The following RASGRP3 variants were observed in gnomAD, a reference collection of about 807,000 sequenced individuals.
RASGRP3 encodes the protein RAS guanyl releasing protein 3, also known as ras guanyl-releasing protein 3.
RASGRP3 carries 54 observed loss-of-function variants against 82.7 expected under a neutral mutation model. The observed-to-expected ratio is 0.65, with a 90% CI of 0.52 to 0.82. RASGRP3 has a LOEUF of 0.82. RASGRP3 is among the 40% of genes least tolerant of loss of function. The pLI is 0.00. For synonymous variants in RASGRP3, 309 were observed against 300.5 expected (o/e 1.03, Z -0.29); for missense variants, 861 against 828.9 (o/e 1.04, Z -0.48).
At chr2:33,522,720 C>T (rs1198305837) in intron 7 of RASGRP3, among the ~76,000 whole-genome samples, 2 of 152,220 alleles carry the variant, frequency 1.3e-5, no homozygotes, top group African/African-American at 4.8e-5. Flanking sequence ...GGTTCACAAT[C>T]AGCCAGCCAC....
intron 1 of RASGRP3, among the ~76,000 whole-genome samples, chr2:33,438,545 G>A (rs1389659270): frequency 1.4e-5 from 2 of 143,598 alleles, no homozygotes; most frequent in Non-Finnish European, 3.0e-5. Flanking sequence ...CTGGGCAATG[G>A]AGTGAGACTC....
chr2:33,537,448 T>C (rs1472694655), intron 11 of RASGRP3, among the ~76,000 whole-genome samples: 1 of 151,128 alleles, frequency 6.6e-6, no homozygotes, highest in Non-Finnish European at 1.5e-5. Flanking sequence ...AACCTCCACC[T>C]CCCTGGCTCA....
chr2:33,475,340 C>T (rs1186387376), upstream of RASGRP3, among the ~76,000 whole-genome samples: 1 of 152,116 alleles, frequency 6.6e-6, no homozygotes, highest in Non-Finnish European at 1.5e-5. Context: ...TTCTAGAAAA[C>T]ACTGTATCCT....
intron 1 of RASGRP3, among the ~76,000 whole-genome samples, chr2:33,498,941 A>G (rs1448725495): frequency 6.6e-6 from 1 of 152,196 alleles, no homozygotes; most frequent in Non-Finnish European, 1.5e-5. Flanking sequence ...TCAACAGACA[A>G]GAAAGTGACT....
At chr2:33,500,740 C>A (rs1201764308) in intron 1 of RASGRP3, among the ~76,000 whole-genome samples, 1 of 152,096 alleles carries the variant, frequency 6.6e-6, no homozygotes, top group Non-Finnish European at 1.5e-5. Context: ...TTGAGACCAG[C>A]CTGGCCAACA....
chr2:33,455,762 G>A (rs573299942), intron 2 of RASGRP3, among the ~76,000 whole-genome samples: 92 of 152,240 alleles, frequency 6.0e-4, no homozygotes, highest in African/African-American at 1.2e-3. Context: ...GAATTGTATC[G>A]TCTGGCCTGG....
chr2:33,521,978 GA>G lies in RASGRP3; in HGVS notation c.393del (p.Val132SerfsTer76). 1 of 1,613,462 alleles carries G rather than the reference GA, an allele frequency of 6.2e-7. No homozygotes were observed. The highest frequency in any genetic ancestry group is 8.5e-7 in the Non-Finnish European group (1 of 1,179,744). On this transcript the variant is annotated frameshift_variant, in exon 7 of 18. Coordinates refer to ENST00000403687, the MANE Select transcript of RASGRP3 (RefSeq NM_001139488.2). LOFTEE classifies it high-confidence loss of function. ...AGTCCTTCCTATGACTGGATGAGAA[GA>G]GTCACACAGAGGAAAAAAGTATCCA... is the stretch of plus-strand genomic sequence containing the variant. ...SSIPSYDWMR[R>X]VTQRKKVSKK...
rs183332863 is a variant in RASGRP3 at position 33,540,337 on chromosome 2, G to A, written c.1278+1127G>A. On this transcript the variant is annotated intron_variant, in intron 12 of 17. Transcript: ENST00000403687. ...GGCTGAGAAGGAGATAAGGTCCAGTGGAGCCCGTGGTAGTAACAGACCCAG... is the reference window on the plus strand; with the variant it reads ...GGCTGAGAAGGAGATAAGGTCCAGTAGAGCCCGTGGTAGTAACAGACCCAG... Among the ~76,000 whole-genome samples the A allele has an allele frequency of 1.4e-4, 21 of 146,486 alleles. 4 individuals carry two copies. Among genetic ancestry groups the A allele is most frequent in the East Asian group, 3.9e-4 (2 of 5,170 alleles).
chr2:33,524,378 A>C (rs1672320708), intron 8 of RASGRP3, 54 bp from the exon 9 acceptor site: 1 of 1,184,276 alleles, frequency 8.4e-7, no homozygotes, highest in African/African-American at 1.6e-5. Context: ...GTAATTCAGA[A>C]AGTTTAGAAT....
Position 33,521,954 on chromosome 2 carries a change from G to C in RASGRP3, c.369-1G>C. On this transcript the variant is annotated splice_acceptor_variant, in intron 6 of 17. Coordinates refer to ENST00000403687, the MANE Select transcript of RASGRP3 (RefSeq NM_001139488.2). LOFTEE classifies it high-confidence loss of function. ...TGACCGGACTCACTCTTCTTTTATA[G>C]TCCTTCCTATGACTGGATGAGAAGA... 6.2e-7 allele frequency: 1 copy of C among 1,605,576 alleles called. No individual in the cohort carries two copies.
intron 2 of RASGRP3, among the ~76,000 whole-genome samples, chr2:33,464,736 G>T (rs1666589586): frequency 2.0e-5 from 3 of 152,134 alleles, no homozygotes. Context: ...CTAGGCCTCT[G>T]CAAGTATTAA....
intron 1 of RASGRP3, among the ~76,000 whole-genome samples, chr2:33,477,562 C>T (rs780481840): frequency 2.2e-4 from 33 of 152,208 alleles, no homozygotes; most frequent in African/African-American, 2.4e-5. Flanking sequence ...ATCCAAATTA[C>T]GGAGAGAACC....
At chr2:33,547,952 A>G (rs971120514) in intron 13 of RASGRP3, among the ~76,000 whole-genome samples, 2 of 152,158 alleles carry the variant, frequency 1.3e-5, no homozygotes, top group Admixed American at 6.5e-5. Flanking sequence ...AAGGCCACTG[A>G]GGATGTTCTT....
chr2:33,453,642 T>G (rs1665905955), intron 2 of RASGRP3, among the ~76,000 whole-genome samples: 1 of 152,192 alleles, frequency 6.6e-6, no homozygotes, highest in East Asian at 1.9e-4. Flanking sequence ...AAGTCATACG[T>G]CATCACTTTT....
intron 14 of RASGRP3, among the ~76,000 whole-genome samples, chr2:33,551,454 T>G (rs749566181): frequency 6.6e-6 from 1 of 152,060 alleles, no homozygotes; most frequent in Non-Finnish European, 1.5e-5. Context: ...AAACAAAAGG[T>G]CAGGCTGCTG....
intron 2 of RASGRP3, among the ~76,000 whole-genome samples, chr2:33,468,610 C>G (rs1451165202): frequency 6.6e-6 from 1 of 152,116 alleles, no homozygotes; most frequent in Non-Finnish European, 1.5e-5. Context: ...CCATGTGGGC[C>G]AGGATGGTCT....
intron 2 of RASGRP3, among the ~76,000 whole-genome samples, chr2:33,459,876 A>T (rs1213981656): frequency 6.6e-6 from 1 of 152,196 alleles, no homozygotes; most frequent in Non-Finnish European, 1.5e-5. Flanking sequence ...AGTTCTCTCC[A>T]GTTCTCTCTA....
intron 2 of RASGRP3, among the ~76,000 whole-genome samples, chr2:33,451,615 C>T (rs185346828): frequency 2.1e-4 from 32 of 152,022 alleles, no homozygotes; most frequent in Admixed American, 5.2e-4. Flanking sequence ...TTGTATGTAA[C>T]GTAAGGGTTC....
intron 17 of RASGRP3, chr2:33,559,731 G>A: frequency 2.1e-6 from 1 of 468,756 alleles, no homozygotes. Context: ...CAATGTCATG[G>A]AGGACAGCCA....
Sources: gnomAD v4.1 joint callset for allele counts (sites outside exome capture counted in the v4.1 genomes callset) on GRCh38, gnomAD v4.1.1 for gene constraint, MANE v1.5 for transcripts, NCBI Gene and HGNC (gene_info 2026-07-23, HGNC 2026-07-21) for gene names.